SMYD4: variants seen among roughly 807,000 people sequenced by gnomAD.
SMYD4 encodes the protein protein-lysine N-methyltransferase SMYD4.
Under a neutral mutation model 72.8 loss-of-function variants are expected in SMYD4, and 68 were observed. That is an observed-to-expected ratio of 0.93 (90% CI 0.77 to 1.14). The LOEUF is 1.14. Ranked by LOEUF, SMYD4 falls within the 50% of genes most tolerant of loss-of-function variation. The pLI, the probability that SMYD4 is intolerant of heterozygous loss-of-function variation, is 0.00. For synonymous variants in SMYD4, 407 were observed against 388.6 expected (o/e 1.05, Z -0.56); for missense variants, 984 against 1,003.7 (o/e 0.98, Z 0.27).
chr17:1,807,553 G>C (rs1910106616), intron 3 of SMYD4, among the ~76,000 whole-genome samples: 1 of 151,978 alleles, frequency 6.6e-6, no homozygotes, highest in African/African-American at 2.4e-5. Flanking sequence ...AGTAGAGACA[G>C]GGTTTCGCCC....
At chr17:1,806,893 GTT>G (rs976354296) in intron 3 of SMYD4, among the ~76,000 whole-genome samples, 1 of 151,788 alleles carries the variant, frequency 6.6e-6, no homozygotes, top group Non-Finnish European at 1.5e-5. Flanking sequence ...ACATACAAGG[GTT>G]TTTTTCTTTT....
intron 8 of SMYD4, 151 bp downstream of exon 8, chr17:1,784,175 G>C: frequency 8.1e-7 from 1 of 1,232,628 alleles, no homozygotes; most frequent in Non-Finnish European, 1.1e-6. Flanking sequence ...TCAGGGTTTG[G>C]ACTCACTGGC....
chr17:1,804,623 C>G lies in SMYD4; in HGVS notation c.369+3G>C. On this transcript the variant is annotated splice_donor_region_variant and intron_variant, in intron 4 of 10. Coordinates refer to ENST00000305513, the MANE Select transcript of SMYD4 (RefSeq NM_052928.3). ...CTCTCATACCAGGTATCCTGATACTCACCTCATACTGACCCAGGTGGAAGA... is the reference window on the plus strand; with the variant it reads ...CTCTCATACCAGGTATCCTGATACTGACCTCATACTGACCCAGGTGGAAGA... The G allele has an allele frequency of 6.2e-7, 1 of 1,613,270 alleles. No individual in the cohort carries two copies. Among genetic ancestry groups the G allele is most frequent in the Non-Finnish European group, 8.5e-7 (1 of 1,179,480 alleles).
rs1271002612 is a variant in SMYD4, at chr17:1,803,674, T to C, written c.369+952A>G. Among the ~76,000 whole-genome samples the C allele has an allele frequency of 3.3e-5, 5 of 152,034 alleles. No individual in the cohort carries two copies. In the East Asian group the frequency reaches 9.7e-4, roughly 29 times the overall value. On this transcript the variant is annotated intron_variant, in intron 4 of 10. Coordinates refer to ENST00000305513, the MANE Select transcript of SMYD4 (RefSeq NM_052928.3). ...ACCACCCGCCCAGCTGATTTTTGTA[T>C]TTTTAGTAGAGACGGGGTTTCACCA...
At chr17:1,815,735 T>C (rs893853704) in intron 2 of SMYD4, among the ~76,000 whole-genome samples, 1 of 151,100 alleles carries the variant, frequency 6.6e-6, no homozygotes, top group African/African-American at 2.4e-5. Flanking sequence ...AGTCTCGCTC[T>C]GTCACCGAGG....
chr17:1,782,722 C>G (rs1908429053), intron 10 of SMYD4: 1 of 213,066 alleles, frequency 4.7e-6, no homozygotes, highest in Non-Finnish European at 9.3e-6. Context: ...CTGGGAAACT[C>G]ACTTGAGATC....
rs71150818 is a variant in SMYD4 at position 1,812,545 on chromosome 17, C to CTT, written c.135-432_135-431dup. ...TGGGCTCAAATGATCAGCAGAATTT[C>CTT]TTTTTTTTTTTTTTTTTTTTTTTGA... On this transcript the variant is annotated intron_variant, in intron 2 of 10. Transcript: ENST00000305513. Among the ~76,000 whole-genome samples the CTT allele has an allele frequency of 5.5e-3, 351 of 63,698 alleles. 1 individual carries two copies. The highest frequency in any genetic ancestry group is 8.8e-3 in the African/African-American group (147 of 16,770). 41.8% of individuals were successfully genotyped at this position (63,698 alleles called of 152,430 possible).
intron 5 of SMYD4, among the ~76,000 whole-genome samples, chr17:1,791,935 TAGTC>T (rs951705652): frequency 6.6e-6 from 1 of 152,092 alleles, no homozygotes; most frequent in Non-Finnish European, 1.5e-5. Context: ...GAATACGTGG[TAGTC>T]AGAAAAAAAT....
chr17:1,803,129 G>A (rs999607093), intron 4 of SMYD4, among the ~76,000 whole-genome samples: 8 of 152,176 alleles, frequency 5.3e-5, no homozygotes, highest in East Asian at 3.8e-4. Context: ...GCGACAGAGC[G>A]AGACACTGTC....
intron 4 of SMYD4, among the ~76,000 whole-genome samples, chr17:1,803,098 C>T (rs1212143584): frequency 2.0e-5 from 3 of 152,168 alleles, no homozygotes; most frequent in Non-Finnish European, 4.4e-5. Context: ...GCAGAGATCA[C>T]GCCACTGCAC....
chr17:1,818,732 T>C (rs1355199940), intron 2 of SMYD4, among the ~76,000 whole-genome samples: 2 of 152,102 alleles, frequency 1.3e-5, no homozygotes, highest in Non-Finnish European at 2.9e-5. Context: ...CGACCTCTGC[T>C]CACTGCAACC....
chr17:1,784,546 G>C (rs1908549607), intron 7 of SMYD4, 85 bp from the exon 8 acceptor site: 1 of 1,556,288 alleles, frequency 6.4e-7, no homozygotes, highest in African/African-American at 1.4e-5. Context: ...CTGCTCCATA[G>C]TTTCTTACCT....
chr17:1,798,525 G>A (rs897565814), intron 5 of SMYD4, among the ~76,000 whole-genome samples: 12 of 152,248 alleles, frequency 7.9e-5, no homozygotes, highest in African/African-American at 2.9e-4. Flanking sequence ...CACTTGGGGA[G>A]GCTGAGGCGG....
At chr17:1,807,292 A>G (rs932773714) in intron 3 of SMYD4, among the ~76,000 whole-genome samples, 2 of 151,764 alleles carry the variant, frequency 1.3e-5, no homozygotes, top group African/African-American at 4.8e-5. Flanking sequence ...CATCCATTTA[A>G]TGGAACGCCA....
chr17:1,806,433 T>C (rs1159940363), intron 3 of SMYD4, among the ~76,000 whole-genome samples: 6 of 152,192 alleles, frequency 3.9e-5, no homozygotes, highest in Non-Finnish European at 8.8e-5. Flanking sequence ...AGAGCTAATT[T>C]CTTTACTTTG....
At chr17:1,823,214 CAAA>C (rs57867059) in intron 2 of SMYD4, among the ~76,000 whole-genome samples, 26,623 of 135,732 alleles carry the variant, frequency 0.2, 2,571 homozygotes, top group Middle Eastern at 0.21. Flanking sequence ...ACTAAAAATA[CAAA>C]AAAAAAAAAA....
intron 3 of SMYD4, 93 bp from the exon 4 acceptor site, chr17:1,804,808 G>A (rs937878258): frequency 1.6e-6 from 2 of 1,240,806 alleles, no homozygotes; most frequent in African/African-American, 1.5e-5. Context: ...ACTGAAGACT[G>A]TGTGAAACTG....
At chr17:1,786,749 T>C in intron 7 of SMYD4, 61 bp downstream of exon 7, 3 of 1,601,162 alleles carry the variant, frequency 1.9e-6, no homozygotes. Context: ...TAAACACTGA[T>C]CACCCTTGGG....
chr17:1,803,462 A>G (rs796260984), intron 4 of SMYD4, among the ~76,000 whole-genome samples: 1 of 152,222 alleles, frequency 6.6e-6, no homozygotes, highest in East Asian at 1.9e-4. Context: ...CCTCTTGGAC[A>G]GTCCACATCC....
Sources: allele counts gnomAD v4.1 joint callset (sites outside exome capture counted in the v4.1 genomes callset), GRCh38; gene constraint gnomAD v4.1.1; transcripts MANE v1.5; gene names NCBI Gene and HGNC (gene_info 2026-07-23, HGNC 2026-07-21).